Variants in SH3KBP1 observed in about 807,000 individuals in gnomAD.
SH3KBP1 encodes SH3 domain containing kinase binding protein 1.
A neutral mutation model predicts 50.1 loss-of-function variants in SH3KBP1; 8 were observed. That is an observed-to-expected ratio of 0.16 (90% CI 0.09 to 0.29). The LOEUF (loss-of-function observed/expected upper bound fraction) is 0.29, where lower values mean the gene tolerates loss of function less well. Among genes scored for constraint, SH3KBP1 ranks in the 10% least tolerant of loss-of-function variants. SH3KBP1 has a pLI of 1.00. For missense variants in SH3KBP1, 377 were observed against 535.2 expected, an observed-to-expected ratio of 0.70 and a Z score of 2.92; for synonymous variants, 227 against 218.6, an observed-to-expected ratio of 1.04 and a Z score of -0.34.
chrX:19,539,996 G>A (rs2064835825), intron 16 of SH3KBP1, among the ~76,000 whole-genome samples: 1 of 111,267 alleles, frequency 9.0e-6, no homozygotes, highest in African/African-American at 3.3e-5. Context: ...CCTCTCATAG[G>A]GTCCAAACAG....
chrX:19,739,683 AG>A (rs1172248175), intron 3 of SH3KBP1, among the ~76,000 whole-genome samples: 2 of 110,638 alleles, frequency 1.8e-5, no homozygotes, highest in Admixed American at 9.7e-5. Context: ...TAGGCGAAAA[AG>A]CAAAAGGGCT....
At chrX:19,831,571 C>G (rs1265453363) in intron 2 of SH3KBP1, among the ~76,000 whole-genome samples, 1 of 108,518 alleles carries the variant, frequency 9.2e-6, no homozygotes, top group East Asian at 2.9e-4. Context: ...GCAGACGGAT[C>G]ACCTGAGGTA....
At chrX:19,558,160 A>G (rs997275007) in intron 13 of SH3KBP1, among the ~76,000 whole-genome samples, 3 of 112,760 alleles carry the variant, frequency 2.7e-5, no homozygotes, top group Non-Finnish European at 5.6e-5. Context: ...ACAGGAACAT[A>G]AATTGGCACA....
intron 8 of SH3KBP1, 62 bp from the exon 9 acceptor site, chrX:19,608,107 C>A (rs1421176334): frequency 2.1e-6 from 2 of 968,279 alleles, no homozygotes; most frequent in Non-Finnish European, 2.9e-6. Flanking sequence ...GGGGTGTAAC[C>A]CCCCTCTTCA....
intron 8 of SH3KBP1, among the ~76,000 whole-genome samples, chrX:19,609,277 G>A (rs2067335754): frequency 9.0e-6 from 1 of 111,722 alleles, no homozygotes. Context: ...CCAGCCTACT[G>A]TAAACCTCCT....
chrX:19,551,134 T>C (rs1344698319), intron 13 of SH3KBP1, among the ~76,000 whole-genome samples: 1 of 111,872 alleles, frequency 8.9e-6, no homozygotes, highest in East Asian at 2.8e-4. Flanking sequence ...TAGTAGAATA[T>C]GCAAAATCAA....
chrX:19,691,291 G>A (rs959734261), intron 5 of SH3KBP1, among the ~76,000 whole-genome samples: 3 of 101,399 alleles, frequency 3.0e-5, no homozygotes, highest in Non-Finnish European at 5.9e-5. Context: ...GTTTACTCTC[G>A]CACGCACGCA....
intron 13 of SH3KBP1, among the ~76,000 whole-genome samples, chrX:19,560,179 T>C (rs1376644270): frequency 9.4e-6 from 1 of 105,859 alleles, no homozygotes; most frequent in African/African-American, 3.5e-5. Flanking sequence ...TAAATCTCCA[T>C]ATAGCCAGCA....
intron 2 of SH3KBP1, among the ~76,000 whole-genome samples, 197 bp from the exon 3 acceptor site, chrX:19,746,638 T>C (rs1184659132): frequency 1.8e-5 from 2 of 111,881 alleles, no homozygotes; most frequent in African/African-American, 6.5e-5. Context: ...TCCTATAAAG[T>C]GGAATAAGCC....
At position 19,537,767 on chromosome X, in the gene SH3KBP1, G is replaced by T; in HGVS notation, c.1906C>A (p.Gln636Lys). 8.3e-7 allele frequency: 1 copy of T among 1,209,820 alleles called. No individual in the cohort carries two copies. The highest frequency in any genetic ancestry group is 1.8e-5 in the South Asian group (1 of 56,811). ...TCTTCATCCAACTCAGACAATAACT[G>T]TTTAATCTCTCGTCTGAAAAGCAAA... ...MKDQQKREIK[Q>K]LLSELDEEKK... is the part of the protein sequence containing the mutation. Residue 636 changes from glutamine (Q) to lysine (K), a missense_variant, in exon 17 of 18, where the codon CAG becomes AAG. Physicochemically the swap from Gln to Lys is moderately conservative, Grantham distance 53. Transcript: ENST00000397821.
intron 9 of SH3KBP1, among the ~76,000 whole-genome samples, chrX:19,596,895 T>A (rs754161331): frequency 8.9e-6 from 1 of 111,982 alleles, no homozygotes; most frequent in Admixed American, 9.4e-5. Context: ...TGCAGTTACT[T>A]CCTCCACTGA....
intron 8 of SH3KBP1, among the ~76,000 whole-genome samples, chrX:19,616,431 C>T (rs1207383478): frequency 8.9e-6 from 1 of 111,827 alleles, no homozygotes; most frequent in Non-Finnish European, 1.9e-5. Flanking sequence ...GGGTGGATAA[C>T]ACACAAAAAA....
chrX:19,848,235 G>A (rs1295670596), intron 1 of SH3KBP1, among the ~76,000 whole-genome samples: 1 of 111,687 alleles, frequency 9.0e-6, no homozygotes, highest in Non-Finnish European at 1.9e-5. Flanking sequence ...GGCAGGAAAG[G>A]TGATAAGCCT....
chrX:19,624,027 C>CT (rs2067934626), intron 8 of SH3KBP1, among the ~76,000 whole-genome samples: 1 of 111,826 alleles, frequency 8.9e-6, no homozygotes, highest in African/African-American at 3.3e-5. Flanking sequence ...GAGTCTCTCG[C>CT]TATGTTGCCC....
chrX:19,865,647 G>A (rs1057361121), intron 1 of SH3KBP1, among the ~76,000 whole-genome samples: 1 of 112,038 alleles, frequency 8.9e-6, no homozygotes, highest in Admixed American at 9.5e-5. Flanking sequence ...GAACAGTGGG[G>A]CCATTTAAGC....
intron 8 of SH3KBP1, among the ~76,000 whole-genome samples, chrX:19,617,853 A>T (rs1602679208): frequency 8.9e-6 from 1 of 112,064 alleles, no homozygotes; most frequent in Middle Eastern, 4.6e-3. Context: ...AGGTGAGGAA[A>T]TGCTACAGAA....
chrX:19,544,079 G>A (rs751887545), intron 15 of SH3KBP1, among the ~76,000 whole-genome samples: 9 of 111,041 alleles, frequency 8.1e-5, no homozygotes, highest in African/African-American at 9.8e-5. Flanking sequence ...CTGGCATGGC[G>A]AGGAGGCAGA....
intron 3 of SH3KBP1, among the ~76,000 whole-genome samples, chrX:19,707,543 A>C (rs1280276419): frequency 9.0e-6 from 1 of 111,606 alleles, no homozygotes; most frequent in Admixed American, 9.5e-5. Context: ...ACACCCCCAC[A>C]GGATTCAACA....
intron 6 of SH3KBP1, among the ~76,000 whole-genome samples, chrX:19,652,246 C>T (rs893706437): frequency 8.1e-5 from 9 of 111,499 alleles, no homozygotes; most frequent in South Asian, 3.8e-4. Context: ...CCTTGCCTTG[C>T]TTCCTCTTGT....
Sources: allele counts gnomAD v4.1 joint callset (sites outside exome capture counted in the v4.1 genomes callset), GRCh38; gene constraint gnomAD v4.1.1; transcripts MANE v1.5; gene names NCBI Gene and HGNC (gene_info 2026-07-23, HGNC 2026-07-21).